The following MAN1B1 variants were observed in gnomAD, a reference collection of about 807,000 sequenced individuals.
MAN1B1 encodes endoplasmic reticulum mannosyl-oligosaccharide 1,2-alpha-mannosidase.
In MAN1B1, 66 loss-of-function variants were observed where a neutral mutation model predicts 75.5. That is an observed-to-expected ratio of 0.87 (90% CI 0.72 to 1.07). The LOEUF (loss-of-function observed/expected upper bound fraction) is 1.07, where lower values mean the gene tolerates loss of function less well. MAN1B1 is among the 50% of genes least tolerant of loss of function. The probability of loss-of-function intolerance (pLI) is 0.00; values close to 1 mark genes in which losing one functional copy is unlikely to be tolerated. For synonymous variants in MAN1B1, 453 were observed against 382.8 expected (o/e 1.18, Z -2.14); for missense variants, 973 against 912.5 (o/e 1.07, Z -0.85).
intron 12 of MAN1B1, 72 bp from the exon 13 acceptor site, chr9:137,108,316 C>A (rs781731356): frequency 2.3e-6 from 3 of 1,328,760 alleles, no homozygotes; most frequent in African/African-American, 2.9e-5. Context: ...GGGTGGAGAG[C>A]GCTTCGGTGA....
At position 137,107,624 on chromosome 9, in the gene MAN1B1, G is replaced by A; in HGVS notation, c.1858G>A (p.Gly620Ser). Residue 620 changes from glycine to serine, a missense_variant, in exon 12 of 13, where the codon GGC becomes AGC. Coordinates refer to ENST00000371589, the MANE Select transcript of MAN1B1 (RefSeq NM_016219.5). ...VTGDRKYQDW[G>S]WEILQSFSRF... The stretch of plus-strand genomic sequence containing the variant: ...AGGGGACCGCAAATACCAGGACTGG[G>A]GCTGGGAGATTCTGCAGAGCTTCAG... The A allele has an allele frequency of 2.5e-6, 4 of 1,610,826 alleles. No homozygotes were observed. The highest frequency in any genetic ancestry group is 3.4e-6 in the Non-Finnish European group (4 of 1,179,964).
chr9:137,104,265 T>TG, intron 8 of MAN1B1: 1 of 361,726 alleles, frequency 2.8e-6, no homozygotes, highest in Non-Finnish European at 5.4e-6. Context: ...AGACAGAGTC[T>TG]CATTCTGTCA....
intron 12 of MAN1B1, 163 bp downstream of exon 12, chr9:137,107,825 C>T: frequency 2.3e-6 from 2 of 881,430 alleles, no homozygotes; most frequent in Non-Finnish European, 3.6e-6. Context: ...GCTTGGGGGC[C>T]CTGGCATCCC....
intron 8 of MAN1B1, chr9:137,103,545 C>T (rs1001103399): frequency 8.9e-6 from 4 of 451,680 alleles, no homozygotes; most frequent in African/African-American, 8.1e-5. Flanking sequence ...CACGCTGTTG[C>T]AGGCGTGCAG....
intron 3 of MAN1B1, 115 bp from the exon 4 acceptor site, chr9:137,096,120 CAG>C (rs1335721907): frequency 6.8e-5 from 74 of 1,087,808 alleles, no homozygotes; most frequent in Non-Finnish European, 1.0e-4. Context: ...GTAATTTAGT[CAG>C]AGGTCAGAAG....
intron 3 of MAN1B1, among the ~76,000 whole-genome samples, chr9:137,090,632 C>T (rs373778500): frequency 2.0e-5 from 3 of 151,978 alleles, no homozygotes; most frequent in Admixed American, 6.6e-5. Flanking sequence ...CTCCGCCTCC[C>T]GGGTTCAAGT....
At chr9:137,105,361 C>T (rs1004391024) in intron 8 of MAN1B1, 5 of 111,972 alleles carry the variant, frequency 4.5e-5, no homozygotes, top group African/African-American at 1.9e-4. Context: ...TCCCACACGC[C>T]ATCCACGTGA....
At position 137,094,319 on chromosome 9, in the gene MAN1B1, T is replaced by C. The variant is rs546418693; in HGVS notation, c.466-1918T>C. The C allele has an allele frequency of 1.8e-4, 72 of 410,308 alleles. 1 individual carries two copies. The highest frequency in any genetic ancestry group is 1.3e-3 in the South Asian group (70 of 54,114). The allele number at this position is 410,308 out of a possible 1,614,324, so 25.4% of individuals were successfully genotyped here. A position where few individuals can be genotyped will look rare whatever the true frequency, so the allele number is the denominator to read the frequency against. On this transcript the variant is annotated intron_variant, in intron 3 of 12. Transcript: ENST00000371589. ...TGTGAGCCACTGCACCTGACCCTCG[T>C]AACGGTGATTTTTAAGACTAGGTGA...
chr9:137,103,869 G>A (rs1485955971), intron 8 of MAN1B1: 2 of 455,220 alleles, frequency 4.4e-6, no homozygotes, highest in Non-Finnish European at 8.8e-6. Flanking sequence ...AGGCGTGCAG[G>A]TCAGTGGTGT....
chr9:137,099,315 T>G lies in MAN1B1; in HGVS notation c.731-381T>G, dbSNP rs895237941. ...CACACTCACCCACGTCTCCACAGGC[T>G]GTGCTCACTGTGCTGTCCCAGCGCC... is the stretch of plus-strand genomic sequence containing the variant. On this transcript the variant is annotated intron_variant, in intron 5 of 12. Transcript: ENST00000371589. Among the ~76,000 whole-genome samples the G allele has an allele frequency of 2.0e-5, 3 of 152,268 alleles. No individual in the cohort carries two copies. In the East Asian group the frequency reaches 5.8e-4, roughly 29 times the overall value.
At chr9:137,092,705 C>T (rs530398313) in intron 3 of MAN1B1, among the ~76,000 whole-genome samples, 11 of 152,322 alleles carry the variant, frequency 7.2e-5, no homozygotes, top group Admixed American at 5.9e-4. Context: ...TCCCCTGCTA[C>T]GGTGCTGAGA....
intron 4 of MAN1B1, among the ~76,000 whole-genome samples, chr9:137,096,889 G>A (rs760973060): frequency 3.3e-5 from 5 of 152,228 alleles, no homozygotes; most frequent in African/African-American, 7.2e-5. Context: ...TCTTAGAAAC[G>A]GAGTTGATTG....
chr9:137,108,006 C>T, intron 12 of MAN1B1: 1 of 619,886 alleles, frequency 1.6e-6, no homozygotes, highest in South Asian at 1.9e-5. Flanking sequence ...CCACTGTGGA[C>T]CAGGCCCTGT....
At chr9:137,108,107 G>C in intron 12 of MAN1B1, 1 of 607,258 alleles carries the variant, frequency 1.6e-6, no homozygotes. Context: ...CCCACCGTCT[G>C]CCCTGTGCCC....
intron 3 of MAN1B1, among the ~76,000 whole-genome samples, chr9:137,093,145 G>A (rs1332354664): frequency 6.6e-6 from 1 of 152,200 alleles, no homozygotes; most frequent in African/African-American, 2.4e-5. Context: ...CCAGCACTTT[G>A]GGAGGCCGAG....
At chr9:137,098,858 T>G (rs116320628) in intron 5 of MAN1B1, among the ~76,000 whole-genome samples, 3 of 152,000 alleles carry the variant, frequency 2.0e-5, no homozygotes, top group South Asian at 4.1e-4. Flanking sequence ...AAAAAGAAAT[T>G]TATATATATG....
At position 137,099,759 on chromosome 9, in the gene MAN1B1, G is replaced by A. The variant is rs114057640; in HGVS notation, c.794G>A (p.Arg265His). 1,151 of 1,614,200 alleles carry A rather than the reference G, an allele frequency of 7.1e-4. 3 individuals are homozygous for A. The African/African-American group carries it at 0.012, about 17-fold the overall frequency. Residue 265 changes from arginine (R) to histidine (H), a missense_variant, in exon 6 of 13, where the codon CGC (arginine) becomes CAC (histidine). Coordinates refer to ENST00000371589, the MANE Select transcript of MAN1B1 (RefSeq NM_016219.5). Reference protein sequence around the residue: ...DVFLHAWKGYRKFAWGHDELK... With the variant: ...DVFLHAWKGYHKFAWGHDELK... ...TTCCTGCATGCATGGAAAGGATACC[G>A]CAAGTTTGCATGGGGCCATGACGAG...
chr9:137,090,596 G>A (rs1830490545), intron 3 of MAN1B1, among the ~76,000 whole-genome samples: 1 of 151,924 alleles, frequency 6.6e-6, no homozygotes, highest in South Asian at 2.1e-4. Context: ...CTGGAGTGCA[G>A]TGGTGTGATC....
In MAN1B1 at chr9:137,104,606, C is replaced by T. The variant is rs1588643947; in HGVS notation, c.1255-1519C>T. The T allele has an allele frequency of 3.5e-5, 6 of 169,862 alleles. 1 individual carries two copies. The South Asian group carries it at 8.6e-4, about 24-fold the overall frequency. The allele number at this position is 169,862 out of a possible 1,614,324, so 10.5% of individuals were successfully genotyped here. On this transcript the variant is annotated intron_variant, in intron 8 of 12. Coordinates refer to ENST00000371589, the MANE Select transcript of MAN1B1 (RefSeq NM_016219.5). ...ATACGCGAAAGATGCTTCAGAGATT[C>T]CTTTTTCAGGCTGAATATCTGCTGC... is the stretch of plus-strand genomic sequence containing the variant.
Sources: allele counts gnomAD v4.1 joint callset (sites outside exome capture counted in the v4.1 genomes callset), GRCh38; gene constraint gnomAD v4.1.1; transcripts MANE v1.5; gene names NCBI Gene and HGNC (gene_info 2026-07-23, HGNC 2026-07-21).